Variants in RALGPS2 observed in about 807,000 individuals in gnomAD.
RALGPS2 encodes the protein Ral GEF with PH domain and SH3 binding motif 2.
Under a neutral mutation model 86.8 loss-of-function variants are expected in RALGPS2, and 43 were observed. The observed-to-expected ratio is 0.50, with a 90% CI of 0.39 to 0.64. The LOEUF (loss-of-function observed/expected upper bound fraction) is 0.64, where lower values mean the gene tolerates loss of function less well. Among genes scored for constraint, RALGPS2 ranks in the 30% least tolerant of loss-of-function variants. The pLI is 0.00. For synonymous variants in RALGPS2, 243 were observed against 231.3 expected, an observed-to-expected ratio of 1.05 and a Z score of -0.46; for missense variants, 536 against 694.6, an observed-to-expected ratio of 0.77 and a Z score of 2.57.
At chr1:178,897,559 A>G (rs1660002341) in intron 16 of RALGPS2, 105 bp from the exon 17 acceptor site, 2 of 873,366 alleles carry the variant, frequency 2.3e-6, no homozygotes, top group Admixed American at 3.8e-5. Context: ...TGAGGTTAGG[A>G]CTTTGGTTGA....
At chr1:178,902,983 T>C (rs1272061132) in intron 18 of RALGPS2, among the ~76,000 whole-genome samples, 2 of 152,126 alleles carry the variant, frequency 1.3e-5, no homozygotes, top group Non-Finnish European at 1.5e-5. Flanking sequence ...GGATGGGCCA[T>C]GTATAATCAC....
chr1:178,856,202 G>GATTATATATATATATATATATAT (rs1657545243), intron 8 of RALGPS2, among the ~76,000 whole-genome samples: 1 of 83,912 alleles, frequency 1.2e-5, no homozygotes, highest in African/African-American at 6.4e-5. Context: ...GAGAGAGAGA[G>GATTATATATATATATATATATAT]ATATATATAT....
chr1:178,799,101 G>A (rs1025944987), intron 4 of RALGPS2, among the ~76,000 whole-genome samples: 14 of 152,074 alleles, frequency 9.2e-5, no homozygotes, highest in Admixed American at 3.3e-4. Context: ...GTGCAGTGGC[G>A]CGATCTCCGC....
At chr1:178,753,163 A>C (rs1651773920) in intron 1 of RALGPS2, among the ~76,000 whole-genome samples, 1 of 152,226 alleles carries the variant, frequency 6.6e-6, no homozygotes, top group South Asian at 2.1e-4. Flanking sequence ...TGACCTTGGC[A>C]TTGGATTGAT....
chr1:178,787,537 A>G (rs924289799), intron 4 of RALGPS2, among the ~76,000 whole-genome samples: 15 of 152,176 alleles, frequency 9.9e-5, no homozygotes, highest in Non-Finnish European at 1.5e-5. Context: ...TGGAGTAGCT[A>G]TATTTCAAGT....
intron 1 of RALGPS2, among the ~76,000 whole-genome samples, chr1:178,730,690 T>C (rs560428723): frequency 6.6e-6 from 1 of 151,834 alleles, no homozygotes; most frequent in East Asian, 1.9e-4. Context: ...ATTCTGAGAA[T>C]TCTGTTTTTT....
rs1229289710 is a variant in RALGPS2 at position 178,852,812 on chromosome 1, G to A, written c.607+19262G>A. ...TAGAATTCACTTTCAGGTTCCAGAC[G>A]AAAGCTGCTGTATTCTGCATAGACT... On this transcript the variant is annotated intron_variant, in intron 8 of 19. Coordinates refer to ENST00000367635, the MANE Select transcript of RALGPS2 (RefSeq NM_152663.5). 6.2e-6 allele frequency: 10 copies of A among 1,613,738 alleles called. No homozygotes were observed. Among genetic ancestry groups the A allele is most frequent in the African/African-American group, 2.7e-5 (2 of 74,896 alleles).
rs562427743 is a variant in RALGPS2, at chr1:178,913,278, A to G, written c.1723-3052A>G. Among the ~76,000 whole-genome samples, 559 of 151,316 alleles carry G rather than the reference A, an allele frequency of 3.7e-3. 6 individuals carry two copies. The highest frequency in any genetic ancestry group is 0.013 in the African/African-American group (540 of 41,202). Reference sequence around the variant, plus strand: ...GCCTGGGCAACAGAGCAAGACTCCCATCTCAAAAAAAAAAAAAGAAAAGAA... The same window carrying G: ...GCCTGGGCAACAGAGCAAGACTCCCGTCTCAAAAAAAAAAAAAGAAAAGAA... On this transcript the variant is annotated intron_variant, in intron 19 of 19. Coordinates refer to ENST00000367635, the MANE Select transcript of RALGPS2 (RefSeq NM_152663.5).
intron 8 of RALGPS2, among the ~76,000 whole-genome samples, chr1:178,872,993 G>A (rs554644852): frequency 7.2e-5 from 11 of 152,234 alleles, no homozygotes; most frequent in Non-Finnish European, 1.3e-4. Flanking sequence ...CCAATTTCCA[G>A]GAAACCAGCT....
intron 18 of RALGPS2, among the ~76,000 whole-genome samples, chr1:178,906,038 T>G (rs538552999): frequency 1.3e-5 from 2 of 152,288 alleles, no homozygotes; most frequent in South Asian, 2.1e-4. Flanking sequence ...GTATTAAACA[T>G]ATTGAAGCAT....
At chr1:178,906,178 G>T (rs1660379855) in intron 18 of RALGPS2, among the ~76,000 whole-genome samples, 1 of 152,102 alleles carries the variant, frequency 6.6e-6, no homozygotes, top group Non-Finnish European at 1.5e-5. Context: ...TTCGAGACCA[G>T]CCTAGCCAAC....
intron 4 of RALGPS2, among the ~76,000 whole-genome samples, chr1:178,787,436 A>C (rs1451856271): frequency 6.6e-6 from 1 of 152,348 alleles, no homozygotes; most frequent in South Asian, 2.1e-4. Context: ...ACTTGTAATC[A>C]GTGTAAAAAA....
At chr1:178,885,253 T>C (rs1384811173) in intron 12 of RALGPS2, 42 bp downstream of exon 12, 1 of 1,561,056 alleles carries the variant, frequency 6.4e-7, no homozygotes, top group Non-Finnish European at 8.7e-7. Context: ...TTAAGTCTTT[T>C]GTAATTGGAT....
intron 4 of RALGPS2, among the ~76,000 whole-genome samples, chr1:178,802,148 G>T (rs1345947185): frequency 2.6e-5 from 4 of 151,830 alleles, no homozygotes. Flanking sequence ...AAGCCTTATT[G>T]ATAACATAAA....
intron 7 of RALGPS2, among the ~76,000 whole-genome samples, chr1:178,822,534 A>G (rs1558134719): frequency 6.6e-6 from 1 of 152,114 alleles, no homozygotes; most frequent in African/African-American, 2.4e-5. Flanking sequence ...TTAATTAACA[A>G]AGTGCTGCTT....
chr1:178,885,388 C>G lies in RALGPS2; in HGVS notation c.1040+177C>G, dbSNP rs540776426. 2.6e-5 allele frequency: 16 copies of G among 609,110 alleles called. No individual in the cohort carries two copies. In the South Asian group the frequency reaches 3.8e-4, roughly 15 times the overall value. 37.7% of individuals were successfully genotyped at this position (609,110 alleles called of 1,614,324 possible). A position where few individuals can be genotyped will look rare whatever the true frequency, so the allele number is the denominator to read the frequency against. ...TAAAAGCTTTTATTTCTTACTTTACCTGAATTTGGAAATGGGATTTTGTCA... is the reference window on the plus strand; with the variant it reads ...TAAAAGCTTTTATTTCTTACTTTACGTGAATTTGGAAATGGGATTTTGTCA... On this transcript the variant is annotated intron_variant, in intron 12 of 19. Transcript: ENST00000367635.
chr1:178,907,941 G>T (rs1351893297), intron 19 of RALGPS2, among the ~76,000 whole-genome samples: 1 of 152,064 alleles, frequency 6.6e-6, no homozygotes, highest in Middle Eastern at 3.2e-3. Flanking sequence ...CTTTTTGTTT[G>T]TTTTTTGACT....
chr1:178,853,304 A>G (rs539997950), intron 8 of RALGPS2: 3 of 788,190 alleles, frequency 3.8e-6, no homozygotes, highest in East Asian at 1.3e-4. Context: ...ATATTCATCT[A>G]AAGAGCCCAA....
intron 5 of RALGPS2, among the ~76,000 whole-genome samples, chr1:178,808,494 T>A (rs1654838503): frequency 6.6e-6 from 1 of 152,108 alleles, no homozygotes; most frequent in Admixed American, 6.5e-5. Context: ...ATTTTATTTT[T>A]AAAATTTATT....
Sources: allele counts gnomAD v4.1 joint callset (sites outside exome capture counted in the v4.1 genomes callset), GRCh38; gene constraint gnomAD v4.1.1; transcripts MANE v1.5; gene names NCBI Gene and HGNC (gene_info 2026-07-23, HGNC 2026-07-21).